The following SPSB4 variants were observed in gnomAD, a reference collection of about 807,000 sequenced individuals.
SPSB4 encodes splA/ryanodine receptor domain and SOCS box containing 4.
In SPSB4, 21 loss-of-function variants were observed where a neutral mutation model predicts 20.9. That is an observed-to-expected ratio of 1.01 (90% CI 0.71 to 1.45). The LOEUF (loss-of-function observed/expected upper bound fraction) is 1.45. Ranked by LOEUF, SPSB4 falls within the 40% of genes most tolerant of loss-of-function variation. The pLI is 0.00. For missense variants in SPSB4, 399 were observed against 399.2 expected (o/e 1.00, Z 0.00); for synonymous variants, 207 against 183.8 (o/e 1.13, Z -1.02).
At chr3:141,077,589 A>G (rs1328730087) in intron 2 of SPSB4, 1 of 152,274 alleles carries the variant, frequency 6.6e-6, no homozygotes, top group Non-Finnish European at 1.5e-5. Flanking sequence ...CCAGGGTGAG[A>G]GCGTGTTTGC....
rs889404409 is a variant in SPSB4, at chr3:141,065,968, C to T, written c.-137C>T. On this transcript the variant is annotated 5_prime_UTR_variant, in exon 2 of 3. Transcript: ENST00000310546. ...TCCTTCCAGGAGCTTGGGCCCCTGC[C>T]GCAGCCCGGTAGAGGCTGTGGAGGT... is the stretch of plus-strand genomic sequence containing the variant. 1.8e-5 allele frequency: 14 copies of T among 784,798 alleles called. No homozygotes were observed. Among genetic ancestry groups the T allele is most frequent in the African/African-American group, 3.7e-5 (2 of 53,410 alleles). The allele number at this position is 784,798 out of a possible 1,614,324, so 48.6% of individuals were successfully genotyped here. A position where few individuals can be genotyped will look rare whatever the true frequency, so the allele number is the denominator to read the frequency against.
intron 2 of SPSB4, among the ~76,000 whole-genome samples, chr3:141,112,640 G>A (rs1323605732): frequency 5.3e-5 from 3 of 56,178 alleles, no homozygotes; most frequent in African/African-American, 1.1e-4. Flanking sequence ...GCGAGACTCC[G>A]TCTCAAAAAA....
In SPSB4 at chr3:141,066,218, C is replaced by G; in HGVS notation, c.114C>G (p.Asp38Glu). 6.5e-7 allele frequency: 1 copy of G among 1,547,950 alleles called. No homozygotes were observed. The highest frequency in any genetic ancestry group is 8.7e-7 in the Non-Finnish European group (1 of 1,149,074). ...GAEPGRPARL[D>E]QLLDMPAAGL... ...AGCCCGGGCGGCCGGCGCGGCTGGA[C>G]CAGCTGTTGGACATGCCAGCGGCGG... The change falls in exon 2 of 3, where the codon GAC (aspartate) becomes GAG (glutamate). Residue 38 changes from aspartate (D) to glutamate (E), a missense_variant. Physicochemically the swap from Asp to Glu is conservative, Grantham distance 45. Coordinates refer to ENST00000310546, the MANE Select transcript of SPSB4 (RefSeq NM_080862.3).
chr3:141,068,219 T>C (rs1222860366), intron 2 of SPSB4, among the ~76,000 whole-genome samples: 5 of 152,238 alleles, frequency 3.3e-5, no homozygotes. Context: ...TTGTCGACAT[T>C]CTTGCTCATA....
chr3:141,061,157 A>G (rs1467230568), intron 1 of SPSB4, among the ~76,000 whole-genome samples: 1 of 152,160 alleles, frequency 6.6e-6, no homozygotes, highest in Admixed American at 6.5e-5. Context: ...TTAGTTACTT[A>G]TGCATTTAAA....
At chr3:141,102,767 G>A (rs764250609) in intron 2 of SPSB4, among the ~76,000 whole-genome samples, 2 of 152,174 alleles carry the variant, frequency 1.3e-5, no homozygotes, top group East Asian at 1.9e-4. Context: ...GGGCAAAATT[G>A]CAGACTTACT....
chr3:141,119,652 A>T (rs769846468), intron 2 of SPSB4, among the ~76,000 whole-genome samples: 56 of 151,072 alleles, frequency 3.7e-4, no homozygotes, highest in Admixed American at 9.9e-4. Flanking sequence ...CTTATTATTT[A>T]TCCAGGAATT....
chr3:141,093,853 A>G (rs1243821525), intron 2 of SPSB4, among the ~76,000 whole-genome samples: 5 of 152,154 alleles, frequency 3.3e-5, no homozygotes, highest in African/African-American at 4.8e-5. Context: ...GCTGAACTCC[A>G]GCCTGAGCCA....
intron 1 of SPSB4, among the ~76,000 whole-genome samples, chr3:141,055,852 T>A (rs1411220584): frequency 6.6e-6 from 1 of 152,180 alleles, no homozygotes; most frequent in Non-Finnish European, 1.5e-5. Flanking sequence ...AGAGGTCAGC[T>A]GGCCTTACAA....
chr3:141,055,229 G>A (rs2107773654), intron 1 of SPSB4, among the ~76,000 whole-genome samples: 1 of 152,250 alleles, frequency 6.6e-6, no homozygotes, highest in Middle Eastern at 3.4e-3. Flanking sequence ...GGACATAATG[G>A]GGCGGAGGGA....
At chr3:141,137,548 T>C (rs1939250140) in intron 2 of SPSB4, among the ~76,000 whole-genome samples, 1 of 152,172 alleles carries the variant, frequency 6.6e-6, no homozygotes, top group Non-Finnish European at 1.5e-5. Context: ...GCATGAATGG[T>C]TGTTGAATTT....
At chr3:141,119,892 G>C (rs1054964228) in intron 2 of SPSB4, among the ~76,000 whole-genome samples, 1 of 151,822 alleles carries the variant, frequency 6.6e-6, no homozygotes, top group South Asian at 2.1e-4. Flanking sequence ...TTTTTGAAGT[G>C]TTTTTTTGTG....
At chr3:141,114,147 TATAA>T (rs912687995) in intron 2 of SPSB4, among the ~76,000 whole-genome samples, 4 of 152,172 alleles carry the variant, frequency 2.6e-5, no homozygotes, top group African/African-American at 9.7e-5. Context: ...ATTTAAAAAT[TATAA>T]ATAAATTCAG....
At chr3:141,113,867 G>A (rs185377903) in intron 2 of SPSB4, among the ~76,000 whole-genome samples, 251 of 152,324 alleles carry the variant, frequency 1.6e-3, no homozygotes, top group African/African-American at 5.8e-3. Flanking sequence ...AGGCCAAGGC[G>A]GGCAGATCGC....
intron 2 of SPSB4, among the ~76,000 whole-genome samples, chr3:141,081,476 G>A (rs775720121): frequency 1.3e-5 from 2 of 152,202 alleles, no homozygotes; most frequent in Admixed American, 6.5e-5. Context: ...AAGTGGGGGT[G>A]GGGGTAGGAG....
intron 2 of SPSB4, among the ~76,000 whole-genome samples, chr3:141,137,090 C>A (rs1372027212): frequency 6.6e-6 from 1 of 152,110 alleles, no homozygotes; most frequent in Non-Finnish European, 1.5e-5. Context: ...GTATTTTATT[C>A]TCTTTGAAGC....
intron 2 of SPSB4, among the ~76,000 whole-genome samples, chr3:141,095,724 T>A (rs72981993): frequency 0.013 from 2,022 of 152,240 alleles, 45 homozygotes; most frequent in African/African-American, 0.047. Context: ...AAGCTGGGCC[T>A]GAGGCTAACC....
At chr3:141,142,718 CCT>C (rs1939351191) in intron 2 of SPSB4, among the ~76,000 whole-genome samples, 1 of 149,450 alleles carries the variant, frequency 6.7e-6, no homozygotes. Context: ...TTTGGGAGCT[CCT>C]GTGTTAGGTA....
At chr3:141,088,461 C>T (rs559502814) in intron 2 of SPSB4, among the ~76,000 whole-genome samples, 20 of 152,374 alleles carry the variant, frequency 1.3e-4, no homozygotes, top group Admixed American at 5.9e-4. Context: ...TCCTAGCAGA[C>T]TCTTGGGGTG....
Sources: allele counts gnomAD v4.1 joint callset (sites outside exome capture counted in the v4.1 genomes callset), GRCh38; gene constraint gnomAD v4.1.1; transcripts MANE v1.5; gene names NCBI Gene and HGNC (gene_info 2026-07-23, HGNC 2026-07-21).